PPARGC1B: variants seen among roughly 807,000 people sequenced by gnomAD.
PPARGC1B encodes peroxisome proliferator-activated receptor gamma coactivator 1-beta.
PPARGC1B carries 34 observed loss-of-function variants against 101.6 expected under a neutral mutation model. The ratio of observed to expected loss-of-function variants is 0.33; its 90% CI spans 0.25 to 0.45. The LOEUF (loss-of-function observed/expected upper bound fraction) is 0.45. Ranked by LOEUF, PPARGC1B falls within the 20% of genes least tolerant of loss-of-function variation. The pLI, the probability that PPARGC1B is intolerant of heterozygous loss-of-function variation, is 1.00. For synonymous variants in PPARGC1B, 548 were observed against 539.3 expected (o/e 1.02, Z -0.22); for missense variants, 1,234 against 1,317.6 (o/e 0.94, Z 0.98).
intron 1 of PPARGC1B, among the ~76,000 whole-genome samples, chr5:149,810,110 T>G (rs766834850): frequency 1.6e-4 from 25 of 152,160 alleles, no homozygotes; most frequent in Non-Finnish European, 3.4e-4. Flanking sequence ...CAGCCCTGCC[T>G]CAACAAAGCC....
rs1549186 is a variant in PPARGC1B at position 149,851,182 on chromosome 5, T to C, written c.*3624T>C. On this transcript the variant is annotated 3_prime_UTR_variant, in exon 12 of 12. Coordinates refer to ENST00000309241, the MANE Select transcript of PPARGC1B (RefSeq NM_133263.4). ...AGTTCTGACGTGGGAGGAGATGCAGTGAGACGTCTCTTGTTGCCTAAAGCC... is the reference window on the plus strand; with the variant it reads ...AGTTCTGACGTGGGAGGAGATGCAGCGAGACGTCTCTTGTTGCCTAAAGCC... 0.082 allele frequency: 12,531 copies of C among 152,294 alleles called. 642 individuals are homozygous for C. The highest frequency in any genetic ancestry group is 0.16 in the Admixed American group (2,466 of 15,296). The allele number at this position is 152,294 out of a possible 1,614,324, so 9.4% of individuals were successfully genotyped here.
chr5:149,829,129 A>G (rs1758642067), intron 3 of PPARGC1B, among the ~76,000 whole-genome samples: 1 of 152,144 alleles, frequency 6.6e-6, no homozygotes, highest in South Asian at 2.1e-4. Context: ...GATCCCAGAG[A>G]GTCCAGCGAT....
chr5:149,771,345 A>G (rs764184301), intron 1 of PPARGC1B, among the ~76,000 whole-genome samples: 1 of 152,122 alleles, frequency 6.6e-6, no homozygotes, highest in Non-Finnish European at 1.5e-5. Context: ...AGGTGGGGAA[A>G]TTGGGGTCCC....
At chr5:149,855,081 A>G (rs1759914145), downstream of PPARGC1B, 1 of 152,188 alleles carries the variant, frequency 6.6e-6, no homozygotes, top group Non-Finnish European at 1.5e-5. Flanking sequence ...GGACACTCTG[A>G]CCACTAAATG....
intron 9 of PPARGC1B, among the ~76,000 whole-genome samples, chr5:149,841,028 A>G (rs1312367205): frequency 2.0e-5 from 3 of 152,226 alleles, no homozygotes; most frequent in African/African-American, 7.2e-5. Flanking sequence ...ACAGCAATGA[A>G]CAAGAGGGAT....
chr5:149,798,610 C>A (rs2052490), intron 1 of PPARGC1B, among the ~76,000 whole-genome samples: 26,259 of 152,162 alleles, frequency 0.17, 2,549 homozygotes, highest in South Asian at 0.35. Context: ...CATGGGGTGG[C>A]CTGATTATAA....
chr5:149,737,285 T>TAGAAACA (rs1754753258), intron 1 of PPARGC1B, among the ~76,000 whole-genome samples: 4 of 152,208 alleles, frequency 2.6e-5, no homozygotes, highest in African/African-American at 9.6e-5. Flanking sequence ...AACTTAAACC[T>TAGAAACA]GATTTCCGAA....
chr5:149,823,164 G>A (rs953118259), intron 2 of PPARGC1B, among the ~76,000 whole-genome samples: 2 of 152,162 alleles, frequency 1.3e-5, no homozygotes, highest in Non-Finnish European at 2.9e-5. Context: ...GTATTTTGTT[G>A]TTTTGTGACA....
rs372252657 is a variant in PPARGC1B at position 149,833,236 on chromosome 5, C to T, written c.1163C>T (p.Pro388Leu). The T allele has an allele frequency of 1.2e-4, 194 of 1,613,220 alleles. No homozygotes were observed. The highest frequency in any genetic ancestry group is 1.5e-4 in the Non-Finnish European group (182 of 1,180,002). Residue 388 changes from proline (P) to leucine (L), a missense_variant, in exon 5 of 12, where the codon CCG becomes CTG. Transcript: ENST00000309241. The surrounding 1 kb of genome is among the most constrained non-coding windows in gnomAD (Gnocchi z 4.1). ...PKDSQASPGR[P>L]SSVEEVRIAA... Reference sequence around the variant, plus strand: ...GACAGTCAGGCCTCCCCTGGTCGCCCGTCCTCGGTGGAGGAGGTAAGGATC... The same window carrying T: ...GACAGTCAGGCCTCCCCTGGTCGCCTGTCCTCGGTGGAGGAGGTAAGGATC...
At position 149,730,585 on chromosome 5, in the gene PPARGC1B, G is replaced by A. The variant is rs981091774; in HGVS notation, c.78+165G>A. ...GCGCCCTGCGATGCGCTCCGTTACC[G>A]GGGCAGGGAGCCGGAGGTCTCCCGG... On this transcript the variant is annotated intron_variant, in intron 1 of 11. Transcript: ENST00000309241. This position sits in a 1 kb window ranked among gnomAD's most constrained non-coding sequence, Gnocchi z 4.0. Among the ~76,000 whole-genome samples, 2 of 152,108 alleles carry A rather than the reference G, an allele frequency of 1.3e-5. No homozygotes were observed. The highest frequency in any genetic ancestry group is 4.8e-5 in the African/African-American group (2 of 41,434).
chr5:149,772,219 G>T, intron 1 of PPARGC1B: 1 of 1,588,012 alleles, frequency 6.3e-7, no homozygotes, highest in South Asian at 1.2e-5. Flanking sequence ...TGACGATTGT[G>T]ACATGCTGCC....
intron 1 of PPARGC1B, among the ~76,000 whole-genome samples, chr5:149,753,993 C>T (rs944568034): frequency 1.3e-5 from 2 of 152,152 alleles, no homozygotes; most frequent in Non-Finnish European, 2.9e-5. Flanking sequence ...CGCACCTGGC[C>T]GGTGTGCATA....
intron 2 of PPARGC1B, among the ~76,000 whole-genome samples, chr5:149,826,055 G>A (rs916667386): frequency 6.6e-6 from 1 of 152,222 alleles, no homozygotes; most frequent in African/African-American, 2.4e-5. Flanking sequence ...TAACTTGCCT[G>A]AGAGCCCAGA....
At chr5:149,795,800 A>G (rs1757192826) in intron 1 of PPARGC1B, among the ~76,000 whole-genome samples, 1 of 150,948 alleles carries the variant, frequency 6.6e-6, no homozygotes. Flanking sequence ...GGGGGGGATG[A>G]TTATCTTTTT....
intron 1 of PPARGC1B, among the ~76,000 whole-genome samples, chr5:149,792,488 G>A (rs1211764766): frequency 2.6e-5 from 4 of 152,192 alleles, no homozygotes; most frequent in Non-Finnish European, 5.9e-5. Context: ...GATTGGAATG[G>A]AATTGGAGCT....
At chr5:149,743,942 C>T (rs755738542) in intron 1 of PPARGC1B, among the ~76,000 whole-genome samples, 1 of 152,158 alleles carries the variant, frequency 6.6e-6, no homozygotes, top group Non-Finnish European at 1.5e-5. Flanking sequence ...TTGGTATCTG[C>T]AGGGAGGTGT....
chr5:149,781,204 C>CAA (rs35016517), intron 1 of PPARGC1B, among the ~76,000 whole-genome samples: 293 of 121,614 alleles, frequency 2.4e-3, no homozygotes, highest in African/African-American at 6.4e-3. Context: ...GACTTCATCT[C>CAA]AAAAAAAAAA....
chr5:149,845,913 C>T lies in PPARGC1B; in HGVS notation c.2970C>T (p.Tyr990=), dbSNP rs771436195. The T allele has an allele frequency of 9.9e-6, 16 of 1,614,128 alleles. No homozygotes were observed. Among genetic ancestry groups the T allele is most frequent in the African/African-American group, 2.7e-5 (2 of 74,946 alleles). ...RHFCWPRYTD[Y]DSNSEEALPA... is the part of the protein sequence containing the mutation. ...TCTGCTGGCCCAGATACACTGACTA[C>T]GGTAAGCCCCTGAAACCCAGCCACA... The change falls in exon 11 of 12, where the codon TAC becomes TAT. Residue 990 remains tyrosine, a splice_region_variant and synonymous_variant. Transcript: ENST00000309241.
At chr5:149,807,135 T>C (rs1379774504) in intron 1 of PPARGC1B, among the ~76,000 whole-genome samples, 1 of 140,864 alleles carries the variant, frequency 7.1e-6, no homozygotes, top group Non-Finnish European at 1.6e-5. Flanking sequence ...AATTTTTGTA[T>C]TTTTTTTTTT....
Sources: gnomAD v4.1 joint callset for allele counts (sites outside exome capture counted in the v4.1 genomes callset) on GRCh38, gnomAD v4.1.1 for gene constraint, Gnocchi (gnomAD v3.1) non-coding constraint, MANE v1.5 for transcripts, NCBI Gene and HGNC (gene_info 2026-07-23, HGNC 2026-07-21) for gene names.